The following NRXN3 variants were observed in gnomAD, a reference collection of about 807,000 sequenced individuals.
NRXN3 encodes the protein neurexin 3, also known as neurexin III.
In NRXN3, 32 loss-of-function variants were observed where a neutral mutation model predicts 137.6. That is an observed-to-expected ratio of 0.23 (90% CI 0.18 to 0.31). NRXN3 has a LOEUF of 0.31. NRXN3 is among the 10% of genes least tolerant of loss of function. The pLI is 1.00. For synonymous variants in NRXN3, 798 were observed against 784.5 expected (o/e 1.02, Z -0.29); for missense variants, 1,574 against 2,062.5 (o/e 0.76, Z 4.59).
intron 15 of NRXN3, among the ~76,000 whole-genome samples, chr14:79,049,588 G>A (rs1568113782): frequency 6.6e-6 from 1 of 152,042 alleles, no homozygotes; most frequent in Non-Finnish European, 1.5e-5. Context: ...GCTCTTAATG[G>A]CATTTAAAAT....
intron 16 of NRXN3, among the ~76,000 whole-genome samples, chr14:79,610,393 A>C (rs184730326): frequency 1.1e-4 from 16 of 152,316 alleles, no homozygotes; most frequent in Admixed American, 1.0e-3. Flanking sequence ...GGTAGTATTT[A>C]ACAGTTTTCA....
chr14:79,473,612 G>A (rs2096533982), intron 16 of NRXN3, among the ~76,000 whole-genome samples: 1 of 152,116 alleles, frequency 6.6e-6, no homozygotes, highest in African/African-American at 2.4e-5. Context: ...GAAGAATGTT[G>A]GTGTTTTTGA....
chr14:78,677,438 A>AC, intron 6 of NRXN3, among the ~76,000 whole-genome samples: 1 of 152,026 alleles, frequency 6.6e-6, no homozygotes, highest in East Asian at 1.9e-4. Flanking sequence ...AAAAAAAAAA[A>AC]CCCTGGAAGG....
intron 4 of NRXN3, among the ~76,000 whole-genome samples, chr14:78,469,874 G>T (rs1039874258): frequency 6.6e-6 from 1 of 152,150 alleles, no homozygotes; most frequent in Non-Finnish European, 1.5e-5. Flanking sequence ...AGCTAAAACT[G>T]CCTCTTCCTT....
chr14:79,569,897 C>G (rs1360280651), intron 16 of NRXN3, among the ~76,000 whole-genome samples: 3 of 152,150 alleles, frequency 2.0e-5, no homozygotes. Context: ...GCGTGAGCCA[C>G]TGTGCCTGGC....
At chr14:79,254,810 C>T (rs1017718832) in intron 15 of NRXN3, among the ~76,000 whole-genome samples, 2 of 151,578 alleles carry the variant, frequency 1.3e-5, no homozygotes, top group Non-Finnish European at 2.9e-5. Context: ...GCCTCCCTCC[C>T]TCCCTCCCTT....
intron 5 of NRXN3, 40 bp downstream of exon 5, chr14:78,645,461 T>C (rs770297545): frequency 1.3e-6 from 2 of 1,511,136 alleles, no homozygotes; most frequent in African/African-American, 2.7e-5. Context: ...AGGCTCATCT[T>C]AGGTGGCTGG....
intron 15 of NRXN3, among the ~76,000 whole-genome samples, chr14:79,352,495 G>T (rs573881556): frequency 6.6e-6 from 1 of 152,210 alleles, no homozygotes; most frequent in Non-Finnish European, 1.5e-5. Context: ...GAGATAATGT[G>T]TGTGGAAGCA....
intron 19 of NRXN3, among the ~76,000 whole-genome samples, chr14:79,766,773 A>C (rs2099057358): frequency 6.6e-6 from 1 of 152,234 alleles, no homozygotes; most frequent in Non-Finnish European, 1.5e-5. Flanking sequence ...GCCAAGCTAC[A>C]AAGGACTAGT....
At chr14:79,379,588 A>G (rs999973558) in intron 15 of NRXN3, among the ~76,000 whole-genome samples, 23 of 152,066 alleles carry the variant, frequency 1.5e-4, no homozygotes, top group African/African-American at 5.6e-4. Context: ...GCATTTTCAG[A>G]GCTGTGACGG....
intron 4 of NRXN3, among the ~76,000 whole-genome samples, chr14:78,627,962 T>C (rs1321368015): frequency 6.6e-6 from 1 of 152,126 alleles, no homozygotes. Context: ...AAATAGCCTA[T>C]GCAAAAATTC....
chr14:78,792,394 G>T (rs537191116), intron 8 of NRXN3, among the ~76,000 whole-genome samples: 1 of 151,288 alleles, frequency 6.6e-6, no homozygotes, highest in African/African-American at 2.4e-5. Context: ...AAGTGCTGAA[G>T]ATATCGCAGT....
intron 10 of NRXN3, among the ~76,000 whole-genome samples, chr14:78,822,088 A>G (rs535799159): frequency 2.0e-5 from 3 of 152,310 alleles, no homozygotes; most frequent in Admixed American, 6.5e-5. Context: ...ATACAACTTC[A>G]TTCTTTCCCC....
chr14:78,741,511 C>T (rs549807135), intron 8 of NRXN3, among the ~76,000 whole-genome samples: 1 of 152,072 alleles, frequency 6.6e-6, no homozygotes, highest in Admixed American at 6.6e-5. Flanking sequence ...TTTTGAATCA[C>T]TTTATTGAGG....
At chr14:78,605,842 C>T (rs866441531) in intron 4 of NRXN3, among the ~76,000 whole-genome samples, 4 of 152,152 alleles carry the variant, frequency 2.6e-5, no homozygotes, top group Admixed American at 1.3e-4. Flanking sequence ...ATTGGAACCA[C>T]TTTTTAAAAG....
At chr14:79,488,082 G>A (rs2096674329) in intron 16 of NRXN3, among the ~76,000 whole-genome samples, 1 of 152,162 alleles carries the variant, frequency 6.6e-6, no homozygotes, top group Non-Finnish European at 1.5e-5. Context: ...TAGCAGCTGT[G>A]TTACACATAT....
intron 20 of NRXN3, among the ~76,000 whole-genome samples, chr14:79,818,046 GTTTTTTTTTTTTTTT>G (rs55815632): frequency 1.1e-5 from 1 of 90,246 alleles, no homozygotes; most frequent in East Asian, 4.3e-4. Context: ...GTGCACTTGG[GTTTTTTTTTTTTTTT>G]TTTTTTTTTT....
intron 15 of NRXN3, among the ~76,000 whole-genome samples, chr14:79,026,424 A>C (rs941617778): frequency 1.3e-5 from 2 of 152,144 alleles, no homozygotes. Context: ...CCTGCAGCCT[A>C]TGATGTGGCA....
intron 4 of NRXN3, among the ~76,000 whole-genome samples, chr14:78,581,456 G>T (rs2096995701): frequency 6.6e-6 from 1 of 152,134 alleles, no homozygotes; most frequent in South Asian, 2.1e-4. Flanking sequence ...TATAGAGGTT[G>T]CTAATGCCAC....
Sources: allele counts gnomAD v4.1 joint callset (sites outside exome capture counted in the v4.1 genomes callset), GRCh38; gene constraint gnomAD v4.1.1; transcripts MANE v1.5; gene names NCBI Gene and HGNC (gene_info 2026-07-23, HGNC 2026-07-21).